ZCCHC7: variants seen among roughly 807,000 people sequenced by gnomAD.
The protein encoded by ZCCHC7 is zinc finger CCHC domain-containing protein 7.
Under a neutral mutation model 52.0 loss-of-function variants are expected in ZCCHC7, and 35 were observed. The observed-to-expected ratio is 0.67, with a 90% CI of 0.51 to 0.89. ZCCHC7 has a LOEUF of 0.89. Among genes scored for constraint, ZCCHC7 ranks in the 40% least tolerant of loss-of-function variants. The pLI is 0.00. For synonymous variants in ZCCHC7, 217 were observed against 221.5 expected (o/e 0.98, Z 0.18); for missense variants, 574 against 649.1 (o/e 0.88, Z 1.26).
chr9:37,168,476 C>T (rs1311624584), intron 2 of ZCCHC7, among the ~76,000 whole-genome samples: 2 of 151,896 alleles, frequency 1.3e-5, no homozygotes, highest in African/African-American at 4.8e-5. Flanking sequence ...GTTATAAAAA[C>T]AAAACAAAAA....
At chr9:37,298,456 T>C (rs573317597) in intron 2 of ZCCHC7, among the ~76,000 whole-genome samples, 1 of 152,290 alleles carries the variant, frequency 6.6e-6, no homozygotes, top group East Asian at 1.9e-4. Context: ...TATAAAAAAA[T>C]GAACAAATTG....
intron 5 of ZCCHC7, 115 bp from the exon 6 acceptor site, chr9:37,327,684 T>A: frequency 9.0e-7 from 1 of 1,112,242 alleles, no homozygotes; most frequent in Non-Finnish European, 1.3e-6. Context: ...CCCTTTCTGT[T>A]AAGCTTCTTA....
At chr9:37,204,041 C>G (rs998766595) in intron 2 of ZCCHC7, among the ~76,000 whole-genome samples, 2 of 152,176 alleles carry the variant, frequency 1.3e-5, no homozygotes, top group African/African-American at 4.8e-5. Flanking sequence ...TTTTGATTTG[C>G]ATTTCTCTGA....
chr9:37,280,792 A>G (rs572015223), intron 2 of ZCCHC7, among the ~76,000 whole-genome samples: 11 of 152,112 alleles, frequency 7.2e-5, no homozygotes, highest in South Asian at 2.1e-4. Context: ...TTCTTGAGAC[A>G]GAGTCTTGCT....
intron 2 of ZCCHC7, among the ~76,000 whole-genome samples, chr9:37,137,859 T>G (rs1368273539): frequency 6.6e-6 from 1 of 152,248 alleles, no homozygotes; most frequent in Non-Finnish European, 1.5e-5. Context: ...TCCCCTCCTT[T>G]GGCATTCATC....
chr9:37,235,566 C>T (rs1306021094), intron 2 of ZCCHC7, among the ~76,000 whole-genome samples: 4 of 112,958 alleles, frequency 3.5e-5, no homozygotes, highest in Non-Finnish European at 7.1e-5. Context: ...CCCCTCCCTT[C>T]CCTTCCCTTC....
intron 2 of ZCCHC7, among the ~76,000 whole-genome samples, chr9:37,266,674 G>A (rs1203946907): frequency 6.6e-6 from 1 of 152,188 alleles, no homozygotes; most frequent in African/African-American, 2.4e-5. Flanking sequence ...AGGAGTTTGA[G>A]ACCAGCCTAG....
intron 2 of ZCCHC7, among the ~76,000 whole-genome samples, chr9:37,253,716 A>G (rs1056778158): frequency 6.6e-6 from 1 of 152,020 alleles, no homozygotes; most frequent in Non-Finnish European, 1.5e-5. Flanking sequence ...GGAATGGTAC[A>G]TATTTAGTAG....
chr9:37,123,697 G>C (rs898751729), intron 1 of ZCCHC7, among the ~76,000 whole-genome samples: 8 of 152,124 alleles, frequency 5.3e-5, no homozygotes, highest in African/African-American at 1.9e-4. Context: ...GTCCACACTG[G>C]ATCCTCAGGA....
intron 2 of ZCCHC7, among the ~76,000 whole-genome samples, chr9:37,130,445 T>G (rs1276676391): frequency 6.9e-6 from 1 of 144,994 alleles, no homozygotes; most frequent in Non-Finnish European, 1.5e-5. Flanking sequence ...CGCCTTAGCC[T>G]TCAGAGTAGC....
At chr9:37,173,539 G>A (rs1821854601) in intron 2 of ZCCHC7, among the ~76,000 whole-genome samples, 1 of 152,176 alleles carries the variant, frequency 6.6e-6, no homozygotes. Context: ...TAAAACTTCA[G>A]TTAGATTCTG....
intron 2 of ZCCHC7, among the ~76,000 whole-genome samples, chr9:37,298,076 A>T (rs750764090): frequency 2.6e-5 from 4 of 152,244 alleles, no homozygotes; most frequent in Non-Finnish European, 4.4e-5. Flanking sequence ...CACATAAAAA[A>T]GTGAACATTA....
intron 2 of ZCCHC7, among the ~76,000 whole-genome samples, chr9:37,163,354 C>A (rs1030596236): frequency 1.9e-4 from 29 of 149,890 alleles, no homozygotes; most frequent in African/African-American, 7.2e-4. Flanking sequence ...TGCCACTGCA[C>A]CCCGTCCTGG....
intron 2 of ZCCHC7, among the ~76,000 whole-genome samples, chr9:37,223,375 T>A (rs1824926084): frequency 6.6e-6 from 1 of 152,108 alleles, no homozygotes; most frequent in African/African-American, 2.4e-5. Flanking sequence ...TTGTGTTAAG[T>A]GCAGTAAGCC....
chr9:37,187,519 C>G (rs1456630876), intron 2 of ZCCHC7, among the ~76,000 whole-genome samples: 1 of 152,326 alleles, frequency 6.6e-6, no homozygotes, highest in South Asian at 2.1e-4. Flanking sequence ...CGAACTGGTA[C>G]TGATTGTTCC....
intron 2 of ZCCHC7, among the ~76,000 whole-genome samples, chr9:37,276,542 T>C (rs920127669): frequency 1.3e-5 from 2 of 152,214 alleles, no homozygotes; most frequent in Non-Finnish European, 2.9e-5. Context: ...AAGCACTTAT[T>C]ATAGAGCTTT....
At chr9:37,328,819 A>C (rs1564257878) in intron 6 of ZCCHC7, among the ~76,000 whole-genome samples, 1 of 150,386 alleles carries the variant, frequency 6.6e-6, no homozygotes, top group Non-Finnish European at 1.5e-5. Context: ...TAAATTATAT[A>C]AGGTGGTTTG....
chr9:37,197,361 C>T (rs1050789489), intron 2 of ZCCHC7, among the ~76,000 whole-genome samples: 1 of 152,166 alleles, frequency 6.6e-6, no homozygotes, highest in African/African-American at 2.4e-5. Context: ...ACATGCTATG[C>T]ATGAGTTTCA....
chr9:37,279,786 A>G (rs1339486563), intron 2 of ZCCHC7, among the ~76,000 whole-genome samples: 1 of 152,124 alleles, frequency 6.6e-6, no homozygotes, highest in East Asian at 1.9e-4. Context: ...AAAAATAAGC[A>G]TGTGAAAGCT....
Sources: allele counts gnomAD v4.1 joint callset (sites outside exome capture counted in the v4.1 genomes callset), GRCh38; gene constraint gnomAD v4.1.1; transcripts MANE v1.5; gene names NCBI Gene and HGNC (gene_info 2026-07-23, HGNC 2026-07-21).